Variants in ERGIC2 observed in about 807,000 individuals in gnomAD.
ERGIC2 encodes endoplasmic reticulum-Golgi intermediate compartment protein 2.
In ERGIC2, 31 loss-of-function variants were observed where a neutral mutation model predicts 52.5. That is an observed-to-expected ratio of 0.59 (90% CI 0.44 to 0.80). The LOEUF (loss-of-function observed/expected upper bound fraction) is 0.80, where lower values mean the gene tolerates loss of function less well. ERGIC2 is among the 30% of genes least tolerant of loss of function. The pLI is 0.00. For synonymous variants in ERGIC2, 129 were observed against 140.6 expected (o/e 0.92, Z 0.58); for missense variants, 395 against 455.2 (o/e 0.87, Z 1.20).
intron 3 of ERGIC2, among the ~76,000 whole-genome samples, chr12:29,369,154 G>C (rs1343454168): frequency 6.6e-6 from 1 of 151,868 alleles, no homozygotes; most frequent in East Asian, 1.9e-4. Context: ...CAGGAGTTTA[G>C]GCTCAGGAGA....
chr12:29,349,277 A>G (rs1240048188), intron 9 of ERGIC2, 100 bp from the exon 10 acceptor site: 1 of 492,984 alleles, frequency 2.0e-6, no homozygotes, highest in Non-Finnish European at 3.6e-6. Context: ...TCAAATGAAA[A>G]TGTTTAAAAT....
intron 9 of ERGIC2, 23 bp downstream of exon 9, chr12:29,349,989 GA>G (rs746500925): frequency 1.3e-5 from 20 of 1,522,816 alleles, no homozygotes; most frequent in African/African-American, 1.2e-4. Context: ...CATCTTTACT[GA>G]AAAAAAGTCA....
chr12:29,342,942 A>G (rs1005515572), intron 12 of ERGIC2, among the ~76,000 whole-genome samples, 178 bp downstream of exon 12: 3 of 152,232 alleles, frequency 2.0e-5, no homozygotes, highest in African/African-American at 4.8e-5. Context: ...CATTGAATAC[A>G]ATGAAATTAG....
chr12:29,375,576 T>G (rs1940503829), intron 1 of ERGIC2, among the ~76,000 whole-genome samples: 1 of 152,244 alleles, frequency 6.6e-6, no homozygotes, highest in Non-Finnish European at 1.5e-5. Context: ...AACAGTGAAT[T>G]ACATTTCTAA....
At position 29,343,168 on chromosome 12, in the gene ERGIC2, A is replaced by G. The variant is rs879110093; in HGVS notation, c.940T>C (p.Phe314Leu). Reference sequence around the variant, plus strand: ...ACAATACCACAGAGTCTTACAAAAAACTGCCAGAATGGCATGTGCTCCTCA... The same window carrying G: ...ACAATACCACAGAGTCTTACAAAAAGCTGCCAGAATGGCATGTGCTCCTCA... ...VTEEHMPFWQ[F>L]FVRLCGIVGG... Residue 314 changes from phenylalanine to leucine, a missense_variant, in exon 12 of 14, where the codon TTT (phenylalanine) becomes CTT (leucine). Phe to Leu is a conservative substitution (Grantham distance 22). Transcript: ENST00000360150. 2 of 1,611,622 alleles carry G rather than the reference A, an allele frequency of 1.2e-6. No homozygotes were observed. The highest frequency in any genetic ancestry group is 2.2e-5 in the East Asian group (1 of 44,838).
rs148580021 is a variant in ERGIC2 at position 29,380,479 on chromosome 12, T to A, written c.-38+636A>T. On this transcript the variant is annotated intron_variant, in intron 1 of 13. Coordinates refer to ENST00000360150, the MANE Select transcript of ERGIC2 (RefSeq NM_016570.3). ...TTCTCAAACAATGACCTGTCAACTC[T>A]ATATACTACAGATAAACAAGGCTAT... is the stretch of plus-strand genomic sequence containing the variant. The A allele has an allele frequency of 1.4e-4, 22 of 152,310 alleles. No homozygotes were observed. The East Asian group carries it at 4.0e-3, about 28-fold the overall frequency. 9.4% of individuals were successfully genotyped at this position (152,310 alleles called of 1,614,324 possible).
intron 1 of ERGIC2, among the ~76,000 whole-genome samples, chr12:29,377,294 G>A (rs1940527872): frequency 6.6e-6 from 1 of 152,112 alleles, no homozygotes. Flanking sequence ...ATAACAGCTG[G>A]AGCTAAGACA....
intron 1 of ERGIC2, 74 bp from the exon 2 acceptor site, chr12:29,371,744 C>G: frequency 2.9e-6 from 2 of 678,488 alleles, no homozygotes; most frequent in Non-Finnish European, 4.9e-6. Context: ...TTTAGGATAA[C>G]TGACAAATGT....
rs374794536 is a variant in ERGIC2 at position 29,357,700 on chromosome 12, C to T, written c.399G>A (p.Arg133=). The change falls in exon 7 of 14, where the codon AGG becomes AGA. Residue 133 remains arginine, a synonymous_variant. Transcript: ENST00000360150. ...WQRMLQLIQS[R]LQEEHSLQDV... is the part of the protein sequence containing the mutation. The stretch of plus-strand genomic sequence containing the variant: ...CTTGAAGTGAATGCTCTTCTTGTAG[C>T]CTACTCTGAATCAGCTGCAGCATCC... 2.0e-5 allele frequency: 32 copies of T among 1,607,222 alleles called. No homozygotes were observed. In the African/African-American group the frequency reaches 3.2e-4, roughly 16 times the overall value.
chr12:29,375,806 C>G (rs1316769615), intron 1 of ERGIC2, among the ~76,000 whole-genome samples: 2 of 152,132 alleles, frequency 1.3e-5, no homozygotes, highest in African/African-American at 2.4e-5. Context: ...GGATATCACT[C>G]TAGAATGGAG....
chr12:29,374,705 T>C (rs1367043359), intron 1 of ERGIC2, among the ~76,000 whole-genome samples: 1 of 152,144 alleles, frequency 6.6e-6, no homozygotes, highest in Non-Finnish European at 1.5e-5. Flanking sequence ...ACTTAAGCTA[T>C]TTCTAAATTT....
At chr12:29,348,822 T>C (rs781385498) in intron 10 of ERGIC2, among the ~76,000 whole-genome samples, 1 of 151,976 alleles carries the variant, frequency 6.6e-6, no homozygotes, top group Non-Finnish European at 1.5e-5. Flanking sequence ...ATTTCTACTG[T>C]TTAAATTGAA....
intron 1 of ERGIC2, among the ~76,000 whole-genome samples, chr12:29,373,825 C>G (rs7295608): frequency 6.6e-6 from 1 of 152,122 alleles, no homozygotes; most frequent in African/African-American, 2.4e-5. Context: ...ACCCCCACGT[C>G]AGTTATAAAA....
chr12:29,368,294 G>A lies in ERGIC2; in HGVS notation c.216-7C>T. 2 of 1,445,258 alleles carry A rather than the reference G, an allele frequency of 1.4e-6. No homozygotes were observed. The highest frequency in any genetic ancestry group is 1.4e-5 in the African/African-American group (1 of 71,434). The allele number at this position is 1,445,258 out of a possible 1,614,324, so 89.5% of individuals were successfully genotyped here. On this transcript the variant is annotated splice_region_variant and splice_polypyrimidine_tract_variant and intron_variant, in intron 3 of 13. Transcript: ENST00000360150. ...TATATTAATTCTTAATTTGCTGAAA[G>A]ACAAAATATTAAACATTAGTACCTA... is the stretch of plus-strand genomic sequence containing the variant.
Position 29,367,194 on chromosome 12 carries a change from C to T in ERGIC2, c.263-247G>A, listed in dbSNP as rs190965926. Among the ~76,000 whole-genome samples the T allele has an allele frequency of 7.4e-3, 1,028 of 138,180 alleles. 13 individuals carry two copies. The highest frequency in any genetic ancestry group is 0.032 in the African/African-American group (976 of 30,942). 90.7% of individuals were successfully genotyped at this position (138,180 alleles called of 152,430 possible). On this transcript the variant is annotated intron_variant, in intron 4 of 13. Coordinates refer to ENST00000360150, the MANE Select transcript of ERGIC2 (RefSeq NM_016570.3). ...TCTTACCCAGTAAAAAACTTCTTACCCAATAAAAAAAAAAAGATAATTCAA... is the reference window on the plus strand; with the variant it reads ...TCTTACCCAGTAAAAAACTTCTTACTCAATAAAAAAAAAAAGATAATTCAA...
intron 3 of ERGIC2, among the ~76,000 whole-genome samples, 171 bp downstream of exon 3, chr12:29,369,943 T>G (rs575064182): frequency 6.6e-6 from 1 of 152,128 alleles, no homozygotes; most frequent in South Asian, 2.1e-4. Context: ...ATTTAAATGA[T>G]TCTAAAAGGT....
chr12:29,350,697 T>G (rs1258034423), intron 8 of ERGIC2, among the ~76,000 whole-genome samples: 1 of 152,092 alleles, frequency 6.6e-6, no homozygotes, highest in Non-Finnish European at 1.5e-5. Flanking sequence ...AAATTTCAAT[T>G]GTGCAGTGAA....
At chr12:29,366,807 C>A in intron 5 of ERGIC2, 70 bp downstream of exon 5, 1 of 798,596 alleles carries the variant, frequency 1.3e-6, no homozygotes, top group Non-Finnish European at 2.0e-6. Flanking sequence ...AAACTAAAAG[C>A]AACTATCTGT....
intron 12 of ERGIC2, 128 bp downstream of exon 12, chr12:29,342,992 T>G: frequency 1.5e-6 from 1 of 684,756 alleles, no homozygotes; most frequent in Non-Finnish European, 2.3e-6. Context: ...TGGAGTTTTG[T>G]AATTAAAGCA....
Sources: allele counts gnomAD v4.1 joint callset (sites outside exome capture counted in the v4.1 genomes callset), GRCh38; gene constraint gnomAD v4.1.1; transcripts MANE v1.5; gene names NCBI Gene and HGNC (gene_info 2026-07-23, HGNC 2026-07-21).